The following LATS2 variants were observed in gnomAD, a reference collection of about 807,000 sequenced individuals.
The protein encoded by LATS2 is large tumor suppressor kinase 2.
A neutral mutation model predicts 76.0 loss-of-function variants in LATS2; 24 were observed. The ratio of observed to expected loss-of-function variants is 0.32; its 90% CI spans 0.23 to 0.44. LATS2 has a LOEUF of 0.44. Among genes scored for constraint, LATS2 ranks in the 20% least tolerant of loss-of-function variants. LATS2 has a pLI of 1.00. For synonymous variants in LATS2, 692 were observed against 635.4 expected (o/e 1.09, Z -1.34); for missense variants, 1,286 against 1,481.2 (o/e 0.87, Z 2.16).
At chr13:21,028,448 AAT>A (rs1872398729) in intron 2 of LATS2, among the ~76,000 whole-genome samples, 2 of 152,018 alleles carry the variant, frequency 1.3e-5, no homozygotes, top group Non-Finnish European at 2.9e-5. Flanking sequence ...TATACCCAGT[AAT>A]TTATTTTGAT....
chr13:21,013,796 T>C lies in LATS2; in HGVS notation c.343-22392A>G, dbSNP rs545117236. Among the ~76,000 whole-genome samples the C allele has an allele frequency of 2.0e-5, 3 of 151,908 alleles. No individual in the cohort carries two copies. The East Asian group carries it at 5.8e-4, about 29-fold the overall frequency. On this transcript the variant is annotated intron_variant, in intron 2 of 7. Coordinates refer to ENST00000382592, the MANE Select transcript of LATS2 (RefSeq NM_014572.3). Reference sequence around the variant, plus strand: ...TCCTGGGCAACACAGCAAGACCCCGTCTCTACAAAACAATTTAAAAAGGAA... The same window carrying C: ...TCCTGGGCAACACAGCAAGACCCCGCCTCTACAAAACAATTTAAAAAGGAA...
chr13:21,004,011 T>C (rs117020914), intron 2 of LATS2, among the ~76,000 whole-genome samples: 6,088 of 152,360 alleles, frequency 0.04, 277 homozygotes, highest in Admixed American at 0.14. Flanking sequence ...CTCTTAGCTA[T>C]GGCTATCATT....
chr13:21,007,640 ATATAGTGTGT>A lies in LATS2; in HGVS notation c.343-16246_343-16237del. 5.6e-3 allele frequency among the ~76,000 whole-genome samples: 5 copies of A among 890 alleles called. 1 individual carries two copies. The highest frequency in any genetic ancestry group is 0.01 in the African/African-American group (5 of 496). 0.6% of individuals were successfully genotyped at this position (890 alleles called of 152,430 possible). A position where few individuals can be genotyped will look rare whatever the true frequency, so the allele number is the denominator to read the frequency against. ...ATATATAGTGTATATATATATATAT[ATATAGTGTGT>A]GTATATATATATAGTGTGTATATAT... is the stretch of plus-strand genomic sequence containing the variant. On this transcript the variant is annotated intron_variant, in intron 2 of 7. Coordinates refer to ENST00000382592, the MANE Select transcript of LATS2 (RefSeq NM_014572.3).
intron 2 of LATS2, among the ~76,000 whole-genome samples, chr13:21,035,004 G>GA (rs1872647891): frequency 6.6e-6 from 1 of 152,206 alleles, no homozygotes; most frequent in African/African-American, 2.4e-5. Context: ...GCCAGGGCGG[G>GA]AGGATCACTT....
chr13:21,023,486 C>T (rs1872155105), intron 2 of LATS2, among the ~76,000 whole-genome samples: 5 of 151,616 alleles, frequency 3.3e-5, no homozygotes, highest in Admixed American at 6.6e-5. Context: ...CTGCACTTCC[C>T]GTCCTTGGCC....
rs988518184 is a variant in LATS2 at position 20,974,527 on chromosome 13, T to C, written c.*343A>G. ...AAGTGCTATGGATAAAATACAAATG[T>C]AGAAAATAACAGCAGCATGATTTGT... On this transcript the variant is annotated 3_prime_UTR_variant, in exon 8 of 8. Transcript: ENST00000382592. 1 of 263,780 alleles carries C rather than the reference T, an allele frequency of 3.8e-6. No individual in the cohort carries two copies. The highest frequency in any genetic ancestry group is 2.2e-5 in the African/African-American group (1 of 45,894). 16.3% of individuals were successfully genotyped at this position (263,780 alleles called of 1,614,324 possible).
chr13:20,985,187 T>G (rs1003321358), intron 4 of LATS2, among the ~76,000 whole-genome samples: 1 of 152,126 alleles, frequency 6.6e-6, no homozygotes, highest in East Asian at 1.9e-4. Context: ...GAAAATATAC[T>G]CCAGGACATT....
chr13:20,979,940 T>C, intron 6 of LATS2, 143 bp from the exon 7 acceptor site: 1 of 457,476 alleles, frequency 2.2e-6, no homozygotes, highest in Non-Finnish European at 3.9e-6. Flanking sequence ...TGGACCTATG[T>C]AAGTACCTGG....
At chr13:21,010,579 A>C (rs1284790824) in intron 2 of LATS2, among the ~76,000 whole-genome samples, 1 of 152,236 alleles carries the variant, frequency 6.6e-6, no homozygotes, top group Admixed American at 6.5e-5. Flanking sequence ...GTTTTCATAA[A>C]ATTACATCAG....
intron 1 of LATS2, among the ~76,000 whole-genome samples, chr13:21,060,679 G>A (rs548297317): frequency 6.6e-6 from 1 of 151,670 alleles, no homozygotes; most frequent in Non-Finnish European, 1.5e-5. Context: ...CAGCCACCGG[G>A]GGCTGAGGGG....
intron 1 of LATS2, among the ~76,000 whole-genome samples, chr13:21,048,357 C>A (rs933332977): frequency 2.0e-5 from 3 of 152,182 alleles, no homozygotes; most frequent in Non-Finnish European, 2.9e-5. Context: ...CTTAAGTTTT[C>A]TTCCCTTTCT....
chr13:21,056,464 T>C (rs768696379), intron 1 of LATS2, among the ~76,000 whole-genome samples: 2 of 152,202 alleles, frequency 1.3e-5, no homozygotes, highest in Non-Finnish European at 2.9e-5. Flanking sequence ...CATAAAAAAA[T>C]TGAGCTACAG....
intron 4 of LATS2, among the ~76,000 whole-genome samples, chr13:20,986,053 A>G (rs1198875878): frequency 1.3e-5 from 2 of 152,210 alleles, no homozygotes; most frequent in Non-Finnish European, 2.9e-5. Flanking sequence ...TCAAAAAGAA[A>G]AAAAAGTGAG....
chr13:20,978,761 CTTT>C (rs747112935), intron 7 of LATS2, among the ~76,000 whole-genome samples: 63 of 152,150 alleles, frequency 4.1e-4, no homozygotes, highest in South Asian at 1.5e-3. Context: ...ATTTTCTCTT[CTTT>C]ATGATTTTTT....
In LATS2 at chr13:20,991,833, C is replaced by G. The variant is rs1447938882; in HGVS notation, c.343-429G>C. Reference sequence around the variant, plus strand: ...CCAGGCTAACTCTGGGACTAGGAAACCTGTCCCCAGGGAGAGGGTGCAGCT... The same window carrying G: ...CCAGGCTAACTCTGGGACTAGGAAAGCTGTCCCCAGGGAGAGGGTGCAGCT... On this transcript the variant is annotated intron_variant, in intron 2 of 7. Coordinates refer to ENST00000382592, the MANE Select transcript of LATS2 (RefSeq NM_014572.3). The surrounding 1 kb of genome is among the most constrained non-coding windows in gnomAD (Gnocchi z 4.9). Among the ~76,000 whole-genome samples the G allele has an allele frequency of 6.6e-6, 1 of 152,200 alleles. No individual in the cohort carries two copies. Among genetic ancestry groups the G allele is most frequent in the East Asian group, 1.9e-4 (1 of 5,184 alleles).
At chr13:21,002,542 A>C (rs1163056545) in intron 2 of LATS2, among the ~76,000 whole-genome samples, 1 of 151,422 alleles carries the variant, frequency 6.6e-6, no homozygotes, top group East Asian at 1.9e-4. Context: ...CACCCAGCTA[A>C]TTTTCTGTAT....
At chr13:21,014,006 G>T (rs914115284) in intron 2 of LATS2, among the ~76,000 whole-genome samples, 1 of 150,154 alleles carries the variant, frequency 6.7e-6, no homozygotes, top group African/African-American at 2.5e-5. Flanking sequence ...AAGAAGAAGA[G>T]GAGGAAGAGA....
At chr13:21,020,725 T>TC (rs891978957) in intron 2 of LATS2, among the ~76,000 whole-genome samples, 7 of 152,150 alleles carry the variant, frequency 4.6e-5, no homozygotes, top group Admixed American at 1.3e-4. Context: ...ATGGCTTTTT[T>TC]CCACTAGGAA....
intron 2 of LATS2, among the ~76,000 whole-genome samples, chr13:21,044,692 GTGTGTGTGTGT>G (rs1872997932): frequency 1.1e-3 from 5 of 4,418 alleles, no homozygotes; most frequent in Admixed American, 4.2e-3. Flanking sequence ...GTGTAGGGGT[GTGTGTGTGTGT>G]GTGTGTGTGT....
Sources: gnomAD v4.1 joint callset for allele counts (sites outside exome capture counted in the v4.1 genomes callset) on GRCh38, gnomAD v4.1.1 for gene constraint, Gnocchi (gnomAD v3.1) non-coding constraint, MANE v1.5 for transcripts, NCBI Gene and HGNC (gene_info 2026-07-23, HGNC 2026-07-21) for gene names.